The following ACOX3 variants were observed in gnomAD, a reference collection of about 807,000 sequenced individuals.
The protein encoded by ACOX3 is peroxisomal acyl-coenzyme A oxidase 3.
A neutral mutation model predicts 81.5 loss-of-function variants in ACOX3; 73 were observed. That is an observed-to-expected ratio of 0.90 (90% CI 0.74 to 1.09). ACOX3 has a LOEUF of 1.09. ACOX3 is among the 50% of genes least tolerant of loss of function. The pLI, the probability that ACOX3 is intolerant of heterozygous loss-of-function variation, is 0.00. For missense variants in ACOX3, 947 were observed against 928.0 expected (o/e 1.02, Z -0.27); for synonymous variants, 387 against 375.1 (o/e 1.03, Z -0.37).
At chr4:8,373,470 G>T in intron 16 of ACOX3, 91 bp downstream of exon 16, 1 of 1,357,652 alleles carries the variant, frequency 7.4e-7, no homozygotes, top group Non-Finnish European at 1.0e-6. Flanking sequence ...AAGGCGGTGC[G>T]TGTCGGTCTG....
rs1238053535 is a variant in ACOX3, at chr4:8,368,414, G to A, written c.1984-1334C>T. Among the ~76,000 whole-genome samples the A allele has an allele frequency of 6.6e-6, 1 of 152,208 alleles. No individual in the cohort carries two copies. The highest frequency in any genetic ancestry group is 1.5e-5 in the Non-Finnish European group (1 of 68,034). The stretch of plus-strand genomic sequence containing the variant: ...AAGGGGCAGCCCAGACCATCTCCAG[G>A]GCCTGGGGAGGTGGTCTATTGTGTA... On this transcript the variant is annotated intron_variant, in intron 17 of 17. Coordinates refer to ENST00000356406, the MANE Select transcript of ACOX3 (RefSeq NM_003501.3). This position sits in a 1 kb window ranked among gnomAD's most constrained non-coding sequence, Gnocchi z 5.9.
At chr4:8,360,926 G>A in the ACOX3 span, among the ~76,000 whole-genome samples, 2 of 152,136 alleles carry the variant, frequency 1.3e-5, no homozygotes, top group East Asian at 1.9e-4. Flanking sequence ...TCCACACCTG[G>A]TACACAATTA....
chr4:8,391,388 A>G lies in ACOX3; in HGVS notation c.1300+945T>C, dbSNP rs375238456. Reference sequence around the variant, plus strand: ...TGTGTGTAGTTCTAGATAGAGCATCACAAAAACTCTCACAAACTTGGCAAG... The same window carrying G: ...TGTGTGTAGTTCTAGATAGAGCATCGCAAAAACTCTCACAAACTTGGCAAG... On this transcript the variant is annotated intron_variant, in intron 11 of 17. Transcript: ENST00000356406. Among the ~76,000 whole-genome samples, 16 of 152,320 alleles carry G rather than the reference A, an allele frequency of 1.1e-4. No individual in the cohort carries two copies. The East Asian group carries it at 2.9e-3, about 28-fold the overall frequency.
Position 8,415,907 on chromosome 4 carries a change from G to A in ACOX3, c.237C>T (p.Phe79=), listed in dbSNP as rs1431930100. The stretch of plus-strand genomic sequence containing the variant: ...ACTCGAAGATCCGCTTGCATCGAAG[G>A]AAGTTCAGCTCGCGATACTTCTCCA... ...LSLEKYRELN[F]LRCKRIFEYD... is the part of the protein sequence containing the mutation. Residue 79 remains phenylalanine (F), a synonymous_variant, in exon 3 of 18, where the codon TTC becomes TTT. Transcript: ENST00000356406. 8.1e-6 allele frequency: 13 copies of A among 1,614,226 alleles called. No homozygotes were observed. The highest frequency in any genetic ancestry group is 1.0e-5 in the Non-Finnish European group (12 of 1,180,046).
chr4:8,419,205 A>G lies in ACOX3; in HGVS notation c.-14-2670T>C, dbSNP rs570932553. On this transcript the variant is annotated intron_variant, in intron 1 of 17. Coordinates refer to ENST00000356406, the MANE Select transcript of ACOX3 (RefSeq NM_003501.3). The surrounding 1 kb of genome is among the most constrained non-coding windows in gnomAD (Gnocchi z 4.2). ...AATCCCAGCACTTTGGGAGGCCCAG[A>G]CAGGTGGATCATGAGGTCAGGAATT... 6.6e-6 allele frequency among the ~76,000 whole-genome samples: 1 copy of G among 152,150 alleles called. No homozygotes were observed. The highest frequency in any genetic ancestry group is 1.9e-4 in the East Asian group (1 of 5,152).
chr4:8,405,834 G>A lies in ACOX3; in HGVS notation c.776+121C>T, dbSNP rs541445478. ...CGGGGGCTAGGCGTAGGTCCCCACC[G>A]CATTTGAGTCTAAGAGGGCAGGGCA... On this transcript the variant is annotated intron_variant, in intron 7 of 17. Coordinates refer to ENST00000356406, the MANE Select transcript of ACOX3 (RefSeq NM_003501.3). The surrounding 1 kb of genome is among the most constrained non-coding windows in gnomAD (Gnocchi z 7.1). 8.5e-5 allele frequency: 86 copies of A among 1,012,514 alleles called. No individual in the cohort carries two copies. The highest frequency in any genetic ancestry group is 7.6e-4 in the African/African-American group (48 of 63,306). The allele number at this position is 1,012,514 out of a possible 1,614,324, so 62.7% of individuals were successfully genotyped here.
chr4:8,414,160 A>C lies in ACOX3; in HGVS notation c.543+132T>G. 1.3e-6 allele frequency: 1 copy of C among 754,032 alleles called. No homozygotes were observed. The highest frequency in any genetic ancestry group is 2.2e-6 in the Non-Finnish European group (1 of 445,006). The allele number at this position is 754,032 out of a possible 1,614,324, so 46.7% of individuals were successfully genotyped here. A position where few individuals can be genotyped will look rare whatever the true frequency, so the allele number is the denominator to read the frequency against. On this transcript the variant is annotated intron_variant, in intron 5 of 17. Coordinates refer to ENST00000356406, the MANE Select transcript of ACOX3 (RefSeq NM_003501.3). The surrounding 1 kb of genome is among the most constrained non-coding windows in gnomAD (Gnocchi z 6.1). ...TTCAGTGTGATGAATCTCAGTGGGTATTTCTACACAAGTGTATGTGGACAG... is the reference window on the plus strand; with the variant it reads ...TTCAGTGTGATGAATCTCAGTGGGTCTTTCTACACAAGTGTATGTGGACAG...
chr4:8,365,689 C>G (rs1028003967), downstream of ACOX3, among the ~76,000 whole-genome samples: 48 of 152,174 alleles, frequency 3.2e-4, no homozygotes, highest in African/African-American at 1.1e-3. Flanking sequence ...GGTAGGTGAT[C>G]ATCAAAGAAG....
rs1719448746 is a variant in ACOX3, at chr4:8,394,537, G to C, written c.1179+83C>G. 6.5e-7 allele frequency: 1 copy of C among 1,547,868 alleles called. No homozygotes were observed. The highest frequency in any genetic ancestry group is 8.7e-7 in the Non-Finnish European group (1 of 1,143,154). On this transcript the variant is annotated intron_variant, in intron 10 of 17. Coordinates refer to ENST00000356406, the MANE Select transcript of ACOX3 (RefSeq NM_003501.3). This position sits in a 1 kb window ranked among gnomAD's most constrained non-coding sequence, Gnocchi z 5.9. ...CCTCGCAAATCAAAGGACTGATTTT[G>C]CTTTGAAATGAAGGTTGAATCTATG...
chr4:8,388,161 C>T (rs1283884361), intron 13 of ACOX3, among the ~76,000 whole-genome samples: 1 of 152,226 alleles, frequency 6.6e-6, no homozygotes, highest in Non-Finnish European at 1.5e-5. Context: ...CATGGCTGCC[C>T]CCGCCTTTCA....
At chr4:8,363,564 A>C (rs1436763468), downstream of ACOX3, among the ~76,000 whole-genome samples, 1 of 152,140 alleles carries the variant, frequency 6.6e-6, no homozygotes, top group African/African-American at 2.4e-5. Flanking sequence ...TTGTCTTATA[A>C]AAGGGAGGGG....
intron 17 of ACOX3, among the ~76,000 whole-genome samples, chr4:8,369,081 G>A (rs1715829930): frequency 6.6e-6 from 1 of 152,118 alleles, no homozygotes; most frequent in Non-Finnish European, 1.5e-5. Context: ...TCATGGGCAA[G>A]GTCTCTCCTT....
chr4:8,382,691 G>A lies in ACOX3; in HGVS notation c.1538-1084C>T, dbSNP rs559806560. ...TCTATGTCACACAGCCCAGGTCACT[G>A]GGAAGAAAATACCCAACGTTGCTGG... On this transcript the variant is annotated intron_variant, in intron 13 of 17. Transcript: ENST00000356406. This position sits in a 1 kb window ranked among gnomAD's most constrained non-coding sequence, Gnocchi z 4.1. Among the ~76,000 whole-genome samples, 139 of 152,308 alleles carry A rather than the reference G, an allele frequency of 9.1e-4. 1 individual carries two copies. The South Asian group carries it at 0.018, about 20-fold the overall frequency.
At chr4:8,377,231 C>T (rs879653002) in intron 14 of ACOX3, among the ~76,000 whole-genome samples, 2 of 152,146 alleles carry the variant, frequency 1.3e-5, no homozygotes, top group African/African-American at 2.4e-5. Context: ...GTCCTTGAAC[C>T]GAATCTGAGT....
Position 8,370,884 on chromosome 4 carries a change from C to G in ACOX3, c.1983+24G>C. The G allele has an allele frequency of 6.2e-7, 1 of 1,608,800 alleles. No individual in the cohort carries two copies. Among genetic ancestry groups the G allele is most frequent in the South Asian group, 1.1e-5 (1 of 90,960 alleles). ...TGCCCATCAACCCTTGGGGCACTCC[C>G]GTGAGGCCCTGTCCTCCCTTTACCT... On this transcript the variant is annotated intron_variant, in intron 17 of 17. Transcript: ENST00000356406. The surrounding 1 kb of genome is among the most constrained non-coding windows in gnomAD (Gnocchi z 6.3).
intron 1 of ACOX3, among the ~76,000 whole-genome samples, chr4:8,433,865 C>G (rs1029768117): frequency 3.3e-5 from 5 of 152,156 alleles, no homozygotes; most frequent in Non-Finnish European, 5.9e-5. Context: ...AGTATCCAAC[C>G]TTCTCTGTTC....
intron 14 of ACOX3, among the ~76,000 whole-genome samples, chr4:8,379,731 A>G (rs1473851679): frequency 6.6e-6 from 1 of 152,170 alleles, no homozygotes. Flanking sequence ...TGTGCCCCCC[A>G]TCTCTGGGGT....
intron 16 of ACOX3, among the ~76,000 whole-genome samples, 170 bp downstream of exon 16, chr4:8,373,391 G>C (rs927074255): frequency 6.6e-6 from 1 of 150,752 alleles, no homozygotes; most frequent in Non-Finnish European, 1.5e-5. Flanking sequence ...GTGCGTGTCG[G>C]TCTGGGTAAG....
chr4:8,393,803 G>A (rs1233144118), intron 10 of ACOX3, among the ~76,000 whole-genome samples: 1 of 152,118 alleles, frequency 6.6e-6, no homozygotes, highest in African/African-American at 2.4e-5. Context: ...ATTCACAGGA[G>A]AACAATGCAA....
Sources: gnomAD v4.1 joint callset for allele counts (sites outside exome capture counted in the v4.1 genomes callset) on GRCh38, gnomAD v4.1.1 for gene constraint, Gnocchi (gnomAD v3.1) non-coding constraint, MANE v1.5 for transcripts, NCBI Gene and HGNC (gene_info 2026-07-23, HGNC 2026-07-21) for gene names.